GRM1: variants seen among roughly 807,000 people sequenced by gnomAD.
The protein encoded by GRM1 is metabotropic glutamate receptor 1.
Under a neutral mutation model 90.9 loss-of-function variants are expected in GRM1, and 33 were observed. The ratio of observed to expected loss-of-function variants is 0.36; its 90% CI spans 0.28 to 0.49. The LOEUF is 0.49. Ranked by LOEUF, GRM1 falls within the 20% of genes least tolerant of loss-of-function variation. The probability of loss-of-function intolerance (pLI) is 0.99; values close to 1 mark genes in which losing one functional copy is unlikely to be tolerated. For synonymous variants in GRM1, 700 were observed against 613.2 expected (o/e 1.14, Z -2.09); for missense variants, 1,190 against 1,534.3 (o/e 0.78, Z 3.75).
Position 146,087,016 on chromosome 6 carries a change from C to T in GRM1, c.700+56799C>T, listed in dbSNP as rs957904272. On this transcript the variant is annotated intron_variant, in intron 1 of 7. Coordinates refer to ENST00000282753, the MANE Select transcript of GRM1 (RefSeq NM_001278064.2). Reference sequence around the variant, plus strand: ...TCAAAGAGACATGAAAATTATCTTTCGTCTGAAATTCTAAGATCCAAAACT... The same window carrying T: ...TCAAAGAGACATGAAAATTATCTTTTGTCTGAAATTCTAAGATCCAAAACT... Among the ~76,000 whole-genome samples the T allele has an allele frequency of 1.1e-4, 16 of 152,122 alleles. No individual in the cohort carries two copies. The East Asian group carries it at 1.2e-3, about 11-fold the overall frequency.
chr6:146,391,542 G>A (rs1251950571), intron 6 of GRM1, among the ~76,000 whole-genome samples: 1 of 151,956 alleles, frequency 6.6e-6, no homozygotes, highest in Non-Finnish European at 1.5e-5. Flanking sequence ...AACACACCTG[G>A]AGGTTGGATA....
intron 2 of GRM1, among the ~76,000 whole-genome samples, chr6:146,223,182 G>A (rs1433121161): frequency 2.6e-5 from 4 of 151,988 alleles, no homozygotes; most frequent in Non-Finnish European, 4.4e-5. Context: ...GATCACCGGC[G>A]CTATTCAGTT....
intron 2 of GRM1, among the ~76,000 whole-genome samples, chr6:146,161,953 T>A (rs1213153077): frequency 2.0e-5 from 3 of 152,132 alleles, no homozygotes; most frequent in Non-Finnish European, 4.4e-5. Context: ...GCTGATTCCC[T>A]CTCTTTATCG....
chr6:146,396,090 A>ATCTATCTGTCTATCTG (rs1554307321), intron 6 of GRM1, among the ~76,000 whole-genome samples: 1 of 150,548 alleles, frequency 6.6e-6, no homozygotes, highest in African/African-American at 2.5e-5. Flanking sequence ...CTATCTATCT[A>ATCTATCTGTCTATCTG]TCTATCTATC....
intron 2 of GRM1, among the ~76,000 whole-genome samples, chr6:146,209,058 A>G (rs984624431): frequency 1.3e-5 from 2 of 152,102 alleles, no homozygotes; most frequent in Non-Finnish European, 2.9e-5. Context: ...CTGACAGCAA[A>G]CCTATAAATT....
At chr6:146,058,597 TAAGACAACAATA>T (rs1266775769) in intron 1 of GRM1, among the ~76,000 whole-genome samples, 1 of 152,152 alleles carries the variant, frequency 6.6e-6, no homozygotes, top group Non-Finnish European at 1.5e-5. Flanking sequence ...TTTCTTAATA[TAAGACAACAATA>T]AAGTTTGCCA....
At chr6:146,414,579 T>C (rs974404320) in intron 7 of GRM1, among the ~76,000 whole-genome samples, 2 of 151,918 alleles carry the variant, frequency 1.3e-5, no homozygotes, top group African/African-American at 2.4e-5. Context: ...ATTTTTTGTA[T>C]TTTTAGTAGA....
At position 146,304,834 on chromosome 6, in the gene GRM1, C is replaced by A; in HGVS notation, c.1174C>A (p.Arg392=). 6.2e-7 allele frequency: 1 copy of A among 1,605,818 alleles called. No individual in the cohort carries two copies. The highest frequency in any genetic ancestry group is 1.1e-5 in the South Asian group (1 of 90,890). The change falls in exon 3 of 8, where the codon CGA becomes AGA. Residue 392 remains arginine (R), a synonymous_variant. Transcript: ENST00000282753. ...GHLLENPNFK[R]ICTGNESLEE... The stretch of plus-strand genomic sequence containing the variant: ...CCTTCTGGAAAATCCCAACTTTAAA[C>A]GAATCTGCACAGGTAACTCATGTTC...
At chr6:146,320,210 TATTGAGATA>T in intron 3 of GRM1, among the ~76,000 whole-genome samples, 1 of 152,366 alleles carries the variant, frequency 6.6e-6, no homozygotes, top group Non-Finnish European at 1.5e-5. Context: ...TTTCTACATC[TATTGAGATA>T]ATCATGTGGT....
chr6:146,386,336 GA>G (rs1440661681), intron 5 of GRM1, among the ~76,000 whole-genome samples: 1 of 152,062 alleles, frequency 6.6e-6, no homozygotes, highest in African/African-American at 2.4e-5. Flanking sequence ...ATTCACTAGA[GA>G]AAGTCAGGCA....
chr6:146,331,940 G>C (rs2114995752), intron 3 of GRM1, among the ~76,000 whole-genome samples: 1 of 152,136 alleles, frequency 6.6e-6, no homozygotes, highest in Non-Finnish European at 1.5e-5. Flanking sequence ...TGATAGTTTG[G>C]GAATCCGAAA....
intron 2 of GRM1, among the ~76,000 whole-genome samples, chr6:146,256,396 C>A (rs1384330281): frequency 6.6e-6 from 1 of 152,150 alleles, no homozygotes; most frequent in Non-Finnish European, 1.5e-5. Flanking sequence ...CACTATACCA[C>A]CCTAGGCCTC....
At chr6:146,077,556 A>C (rs1392062298) in intron 1 of GRM1, among the ~76,000 whole-genome samples, 2 of 152,240 alleles carry the variant, frequency 1.3e-5, no homozygotes, top group East Asian at 3.8e-4. Flanking sequence ...ACTGAGCATC[A>C]CAGATGTCAA....
At chr6:146,249,500 A>G (rs775585973) in intron 2 of GRM1, among the ~76,000 whole-genome samples, 2 of 152,182 alleles carry the variant, frequency 1.3e-5, no homozygotes, top group Non-Finnish European at 2.9e-5. Flanking sequence ...GGTTGTGTCC[A>G]TGTGGTTTTG....
intron 3 of GRM1, among the ~76,000 whole-genome samples, chr6:146,308,780 C>A (rs1358701816): frequency 1.3e-5 from 2 of 151,966 alleles, no homozygotes; most frequent in Non-Finnish European, 2.9e-5. Flanking sequence ...ATGTTTTCAT[C>A]TTTCTCTATA....
At chr6:146,153,197 C>T (rs1300432305) in intron 1 of GRM1, among the ~76,000 whole-genome samples, 1 of 152,182 alleles carries the variant, frequency 6.6e-6, no homozygotes, top group Non-Finnish European at 1.5e-5. Context: ...TGATTCTTAA[C>T]CCATAGCACC....
intron 1 of GRM1, among the ~76,000 whole-genome samples, chr6:146,146,383 G>A (rs1044130777): frequency 1.5e-4 from 22 of 151,652 alleles, no homozygotes; most frequent in Non-Finnish European, 7.4e-5. Context: ...CACCGTGCCC[G>A]GCCTACTATT....
In GRM1 at chr6:146,267,760, C is replaced by CG. The variant is rs1330821957; in HGVS notation, c.951-36851_951-36850insG. On this transcript the variant is annotated intron_variant, in intron 2 of 7. Coordinates refer to ENST00000282753, the MANE Select transcript of GRM1 (RefSeq NM_001278064.2). ...CGTCTCGTCTCGTCTCGTCTCGTCT[C>CG]TTCATGTTTTTCTGCCTGCTTTATA... 1.4e-4 allele frequency among the ~76,000 whole-genome samples: 21 copies of CG among 147,308 alleles called. No homozygotes were observed. In the East Asian group the frequency reaches 2.9e-3, roughly 20 times the overall value.
chr6:146,359,936 G>A (rs1775400041), intron 5 of GRM1, among the ~76,000 whole-genome samples: 1 of 152,014 alleles, frequency 6.6e-6, no homozygotes, highest in East Asian at 1.9e-4. Context: ...TGGAGGTGAG[G>A]GGGGATGTTT....
Sources: gnomAD v4.1 joint callset for allele counts (sites outside exome capture counted in the v4.1 genomes callset) on GRCh38, gnomAD v4.1.1 for gene constraint, MANE v1.5 for transcripts, NCBI Gene and HGNC (gene_info 2026-07-23, HGNC 2026-07-21) for gene names.